Variants in ADGRL3 observed in about 807,000 individuals in gnomAD.
ADGRL3 encodes the protein calcium-independent alpha-latrotoxin receptor 3.
A neutral mutation model predicts 153.5 loss-of-function variants in ADGRL3; 62 were observed. That is an observed-to-expected ratio of 0.40 (90% CI 0.33 to 0.50). The LOEUF (loss-of-function observed/expected upper bound fraction) is 0.50. ADGRL3 is among the 20% of genes least tolerant of loss of function. The pLI, the probability that ADGRL3 is intolerant of heterozygous loss-of-function variation, is 0.47. For synonymous variants in ADGRL3, 710 were observed against 672.5 expected, an observed-to-expected ratio of 1.06 and a Z score of -0.86; for missense variants, 1,641 against 1,859.4, an observed-to-expected ratio of 0.88 and a Z score of 2.16.
At chr4:61,485,140 G>T (rs1336755331) in intron 2 of ADGRL3, among the ~76,000 whole-genome samples, 2 of 152,130 alleles carry the variant, frequency 1.3e-5, no homozygotes, top group Admixed American at 6.5e-5. Context: ...ATTAAGAAAG[G>T]TGCTTAATTT....
chr4:61,693,877 G>A (rs1381400037), intron 6 of ADGRL3, among the ~76,000 whole-genome samples: 1 of 152,048 alleles, frequency 6.6e-6, no homozygotes, highest in Non-Finnish European at 1.5e-5. Context: ...AGAGGAGTGA[G>A]AAGTCCAAAT....
rs1560448507 is a variant in ADGRL3, at chr4:61,302,141, C to CTTG, written c.-239-80983_-239-80982insTTG. Among the ~76,000 whole-genome samples the CTTG allele has an allele frequency of 4.6e-5, 7 of 152,176 alleles. No homozygotes were observed. In the East Asian group the frequency reaches 1.4e-3, roughly 29 times the overall value. On this transcript the variant is annotated intron_variant, in intron 1 of 26. Coordinates refer to ENST00000683033, the MANE Select transcript of ADGRL3 (RefSeq NM_001387552.1). ...AAGTGGATTAAAAGGATAAAAATGG[C>CTTG]AGAAGATTGTGCTTGAGACCTGATG...
intron 1 of ADGRL3, among the ~76,000 whole-genome samples, chr4:61,381,288 CAA>C (rs1339191459): frequency 1.1e-4 from 13 of 117,518 alleles, no homozygotes; most frequent in African/African-American, 4.5e-4. Flanking sequence ...TTCCAATAAA[CAA>C]GTTTGTGTGT....
chr4:61,384,735 A>C (rs2096715899), intron 2 of ADGRL3, among the ~76,000 whole-genome samples: 1 of 152,028 alleles, frequency 6.6e-6, no homozygotes, highest in African/African-American at 2.4e-5. Context: ...GTAGAAGCTA[A>C]TAAACTCTCA....
chr4:61,256,287 A>G (rs957798124), intron 1 of ADGRL3, among the ~76,000 whole-genome samples: 1 of 151,900 alleles, frequency 6.6e-6, no homozygotes, highest in African/African-American at 2.4e-5. Flanking sequence ...TACTTTTTAC[A>G]CCATTAATCT....
intron 6 of ADGRL3, among the ~76,000 whole-genome samples, chr4:61,678,852 T>C (rs1201062473): frequency 6.6e-6 from 1 of 152,042 alleles, no homozygotes; most frequent in African/African-American, 2.4e-5. Context: ...TAATGCAGAA[T>C]TGGAATTCAT....
chr4:61,485,056 A>G (rs2098174629), intron 2 of ADGRL3, among the ~76,000 whole-genome samples: 1 of 152,212 alleles, frequency 6.6e-6, no homozygotes, highest in Admixed American at 6.5e-5. Flanking sequence ...GCACAACTTT[A>G]GAAACTCTCC....
chr4:61,855,529 TAAG>T (rs1235088672), intron 9 of ADGRL3, among the ~76,000 whole-genome samples: 2 of 152,196 alleles, frequency 1.3e-5, no homozygotes, highest in African/African-American at 2.4e-5. Context: ...GATATATTGA[TAAG>T]AAATACTGAT....
chr4:61,904,368 C>G (rs998324555), intron 11 of ADGRL3, among the ~76,000 whole-genome samples: 1 of 151,956 alleles, frequency 6.6e-6, no homozygotes, highest in Non-Finnish European at 1.5e-5. Context: ...AGGCTGGTCT[C>G]GAACTTCTGA....
At chr4:61,496,108 A>G (rs1431932321) in intron 2 of ADGRL3, among the ~76,000 whole-genome samples, 2 of 152,216 alleles carry the variant, frequency 1.3e-5, no homozygotes, top group African/African-American at 4.8e-5. Flanking sequence ...TTTTGTAAAC[A>G]TAAATCTATG....
chr4:61,674,668 T>C (rs2095126488), intron 5 of ADGRL3, among the ~76,000 whole-genome samples: 1 of 151,870 alleles, frequency 6.6e-6, no homozygotes, highest in Non-Finnish European at 1.5e-5. Flanking sequence ...CTATAACAAA[T>C]ACAAAAATAA....
intron 1 of ADGRL3, among the ~76,000 whole-genome samples, chr4:61,332,676 G>A (rs1393911521): frequency 6.6e-6 from 1 of 152,058 alleles, no homozygotes; most frequent in Non-Finnish European, 1.5e-5. Context: ...TGATAATTAA[G>A]GTTTTAATGT....
In ADGRL3 at chr4:61,987,764, C is replaced by T. The variant is rs564197104; in HGVS notation, c.3236+4161C>T. Among the ~76,000 whole-genome samples the T allele has an allele frequency of 2.5e-4, 38 of 152,094 alleles. No homozygotes were observed. The East Asian group carries it at 6.6e-3, about 26-fold the overall frequency. On this transcript the variant is annotated intron_variant, in intron 19 of 26. Coordinates refer to ENST00000683033, the MANE Select transcript of ADGRL3 (RefSeq NM_001387552.1). ...TACTTGTTTTTGGAACTTCATGATT[C>T]TTAAGTTTTTATTCTTCAGTCTTGC...
At chr4:61,829,341 A>G (rs1561318268) in intron 9 of ADGRL3, among the ~76,000 whole-genome samples, 1 of 152,112 alleles carries the variant, frequency 6.6e-6, no homozygotes, top group Non-Finnish European at 1.5e-5. Context: ...CCTAATACCA[A>G]CCCCCTTTTT....
chr4:61,369,276 A>T (rs1326861721), intron 1 of ADGRL3, among the ~76,000 whole-genome samples: 3 of 152,114 alleles, frequency 2.0e-5, no homozygotes, highest in Admixed American at 1.3e-4. Context: ...GTTGAATAGG[A>T]GTGGTGAGAG....
chr4:61,223,968 C>T lies in ADGRL3; in HGVS notation c.-240+22203C>T, dbSNP rs978560527. ...TTTCATGCATTGCTTAATTAATCAACACTTTCTATTCATAAAATTTCTGTA... is the reference window on the plus strand; with the variant it reads ...TTTCATGCATTGCTTAATTAATCAATACTTTCTATTCATAAAATTTCTGTA... On this transcript the variant is annotated intron_variant, in intron 1 of 26. Transcript: ENST00000683033. 3.9e-5 allele frequency among the ~76,000 whole-genome samples: 6 copies of T among 152,148 alleles called. 1 individual carries two copies. In the South Asian group the frequency reaches 1.2e-3, roughly 32 times the overall value.
intron 8 of ADGRL3, among the ~76,000 whole-genome samples, chr4:61,733,978 C>T (rs1024241518): frequency 6.6e-5 from 10 of 152,142 alleles, no homozygotes; most frequent in African/African-American, 2.4e-4. Flanking sequence ...GAGCCCGCAC[C>T]AATGTAGTCA....
chr4:61,983,682 A>G, intron 19 of ADGRL3, 79 bp downstream of exon 19: 2 of 1,243,918 alleles, frequency 1.6e-6, no homozygotes, highest in Non-Finnish European at 2.3e-6. Flanking sequence ...AGGTCTTTAT[A>G]TTACCTCACA....
In ADGRL3 at chr4:61,892,540, T is replaced by C. The variant is rs1315496494; in HGVS notation, c.1481-116T>C. On this transcript the variant is annotated intron_variant, in intron 9 of 26. Transcript: ENST00000683033. ...AAATGAAAATCAGGTTGAAGACTTC[T>C]AGAGCTTTAAAGCTCTTTGAACTGT... is the stretch of plus-strand genomic sequence containing the variant. 1.2e-5 allele frequency: 9 copies of C among 739,258 alleles called. 1 individual carries two copies. The highest frequency in any genetic ancestry group is 2.5e-4 in the Middle Eastern group (1 of 4,050). 45.8% of individuals were successfully genotyped at this position (739,258 alleles called of 1,614,324 possible).
Sources: allele counts gnomAD v4.1 joint callset (sites outside exome capture counted in the v4.1 genomes callset), GRCh38; gene constraint gnomAD v4.1.1; transcripts MANE v1.5; gene names NCBI Gene and HGNC (gene_info 2026-07-23, HGNC 2026-07-21).